ABCC4: variants seen among roughly 807,000 people sequenced by gnomAD.
The protein encoded by ABCC4 is ATP-binding cassette sub-family C member 4.
In ABCC4, 102 loss-of-function variants were observed where a neutral mutation model predicts 168.5. The observed-to-expected ratio is 0.61, with a 90% CI of 0.52 to 0.71. ABCC4 has a LOEUF of 0.71. Among genes scored for constraint, ABCC4 ranks in the 30% least tolerant of loss-of-function variants. ABCC4 has a pLI of 0.00. For synonymous variants in ABCC4, 617 were observed against 590.7 expected (o/e 1.04, Z -0.65); for missense variants, 1,402 against 1,605.8 (o/e 0.87, Z 2.17).
rs9556465 is a variant in ABCC4, at chr13:95,205,263, G to T, written c.1161+1269C>A. The stretch of plus-strand genomic sequence containing the variant: ...TGCTCCAGCCTGGGTAACACAGCAA[G>T]ATCTCATCTTTAAAAAACAAACTTC... On this transcript the variant is annotated intron_variant, in intron 8 of 30. Transcript: ENST00000645237. Among the ~76,000 whole-genome samples, 701 of 152,186 alleles carry T rather than the reference G, an allele frequency of 4.6e-3. 32 individuals are homozygous for T. The East Asian group carries it at 0.1, about 22-fold the overall frequency.
intron 20 of ABCC4, 116 bp from the exon 21 acceptor site, chr13:95,083,406 G>A: frequency 4.0e-6 from 5 of 1,238,774 alleles, no homozygotes; most frequent in Non-Finnish European, 5.5e-6. Flanking sequence ...TGTAGTACCA[G>A]GGACTGCTTT....
At chr13:95,266,531 G>A (rs2040679131) in intron 1 of ABCC4, among the ~76,000 whole-genome samples, 1 of 152,200 alleles carries the variant, frequency 6.6e-6, no homozygotes, top group Non-Finnish European at 1.5e-5. Context: ...ATACAGTGCT[G>A]TTATCACCAT....
intron 1 of ABCC4, among the ~76,000 whole-genome samples, chr13:95,290,913 CT>C (rs2041385780): frequency 7.0e-6 from 1 of 142,672 alleles, no homozygotes; most frequent in Non-Finnish European, 1.5e-5. Flanking sequence ...AGGAGAACCG[CT>C]TGAACCCCGG....
At chr13:95,073,728 C>T (rs80314122) in intron 23 of ABCC4, among the ~76,000 whole-genome samples, 90 of 152,252 alleles carry the variant, frequency 5.9e-4, no homozygotes, top group Non-Finnish European at 5.3e-4. Flanking sequence ...TCTCCTTGTT[C>T]CATTATTAAG....
At chr13:95,063,356 G>A (rs1428031662) in intron 25 of ABCC4, among the ~76,000 whole-genome samples, 2 of 152,172 alleles carry the variant, frequency 1.3e-5, no homozygotes, top group Non-Finnish European at 2.9e-5. Flanking sequence ...CAAGACAGAG[G>A]TGTCAGAAGT....
At chr13:95,130,580 G>C (rs910286451) in intron 19 of ABCC4, among the ~76,000 whole-genome samples, 5 of 152,208 alleles carry the variant, frequency 3.3e-5, no homozygotes, top group African/African-American at 4.8e-5. Context: ...GTCTATCAAA[G>C]TGGTGCCAAA....
In ABCC4 at chr13:95,025,532, T is replaced by C. The variant is rs992523755; in HGVS notation, c.3871-3850A>G. ...CCCCCCACCACACACGCAGCCTCTC[T>C]GGGTCATAAAGTACTTCTACATTAA... On this transcript the variant is annotated intron_variant, in intron 30 of 30. Coordinates refer to ENST00000645237, the MANE Select transcript of ABCC4 (RefSeq NM_005845.5). 5.9e-5 allele frequency among the ~76,000 whole-genome samples: 5 copies of C among 85,072 alleles called. No homozygotes were observed. In the South Asian group the frequency reaches 2.5e-3, roughly 42 times the overall value. The allele number at this position is 85,072 out of a possible 152,430, so 55.8% of individuals were successfully genotyped here. A position where few individuals can be genotyped will look rare whatever the true frequency, so the allele number is the denominator to read the frequency against.
chr13:95,042,608 A>T (rs1444109998), intron 29 of ABCC4, among the ~76,000 whole-genome samples: 1 of 152,230 alleles, frequency 6.6e-6, no homozygotes, highest in African/African-American at 2.4e-5. Context: ...CTCAAAATCT[A>T]CCTAGAGGGA....
At chr13:95,078,973 C>G (rs994637778) in intron 21 of ABCC4, among the ~76,000 whole-genome samples, 1 of 152,176 alleles carries the variant, frequency 6.6e-6, no homozygotes, top group South Asian at 2.1e-4. Context: ...AAATTAGGTA[C>G]CATCCCAGTT....
At chr13:95,151,097 A>G (rs2036658960) in intron 19 of ABCC4, among the ~76,000 whole-genome samples, 1 of 152,230 alleles carries the variant, frequency 6.6e-6, no homozygotes, top group South Asian at 2.1e-4. Flanking sequence ...CTAGAAAAGT[A>G]TCTAGACTTC....
chr13:95,206,269 C>A (rs2038775996), intron 8 of ABCC4, among the ~76,000 whole-genome samples: 1 of 152,194 alleles, frequency 6.6e-6, no homozygotes, highest in South Asian at 2.1e-4. Context: ...ATTTTAATCA[C>A]CCCTGCAGTT....
chr13:95,187,342 C>T (rs552306027), intron 10 of ABCC4, among the ~76,000 whole-genome samples: 3 of 152,210 alleles, frequency 2.0e-5, no homozygotes, highest in East Asian at 1.9e-4. Flanking sequence ...CAGTGGCTCA[C>T]GCCTGTAATC....
chr13:95,046,259 C>T (rs111844789), intron 27 of ABCC4, among the ~76,000 whole-genome samples: 5,547 of 152,134 alleles, frequency 0.036, 143 homozygotes, highest in Non-Finnish European at 0.051. Context: ...TTTCTAAGAC[C>T]GGCAGCCAGA....
intron 19 of ABCC4, among the ~76,000 whole-genome samples, chr13:95,130,935 G>C (rs141817793): frequency 6.6e-6 from 1 of 152,240 alleles, no homozygotes; most frequent in Non-Finnish European, 1.5e-5. Context: ...ACAAGAAAAT[G>C]CTTTTTTTTC....
intron 13 of ABCC4, among the ~76,000 whole-genome samples, chr13:95,174,779 G>A (rs143664980): frequency 4.6e-5 from 7 of 152,262 alleles, no homozygotes; most frequent in Non-Finnish European, 7.4e-5. Flanking sequence ...CCTTCTCGGC[G>A]AAATGGAAAA....
chr13:95,044,371 G>C lies in ABCC4; in HGVS notation c.3524C>G (p.Ser1175Cys). Residue 1175 changes from serine (S) to cysteine (C), a missense_variant, in exon 28 of 31, where the codon TCC becomes TGC. Around this residue, in one of 3 missense-constraint regions of ABCC4, gnomAD observed 1,007 missense variants for 1,127.3 expected, o/e 0.89. Transcript: ENST00000645237. ...KMDTELAESG[S>C]NFSVGQRQLV... is the part of the protein sequence containing the mutation. ...TTGTCTTTGTCCAACACTAAAATTG[G>C]ATCCTGATTCTGCTAATTCAGTATC... 1 of 1,613,722 alleles carries C rather than the reference G, an allele frequency of 6.2e-7. No homozygotes were observed. Among genetic ancestry groups the C allele is most frequent in the Non-Finnish European group, 8.5e-7 (1 of 1,179,868 alleles).
intron 1 of ABCC4, among the ~76,000 whole-genome samples, chr13:95,287,771 G>A (rs2041295979): frequency 1.3e-5 from 2 of 151,186 alleles, no homozygotes; most frequent in African/African-American, 4.9e-5. Flanking sequence ...GGCCAGATGA[G>A]GTGGCTCACA....
chr13:95,053,045 T>C, intron 27 of ABCC4, 50 bp downstream of exon 27: 1 of 1,490,042 alleles, frequency 6.7e-7, no homozygotes, highest in Non-Finnish European at 9.4e-7. Flanking sequence ...AAGGTACATA[T>C]ACACATACTG....
intron 1 of ABCC4, among the ~76,000 whole-genome samples, chr13:95,259,357 G>T (rs7317603): frequency 0.095 from 14,091 of 148,038 alleles, 1,457 homozygotes; most frequent in African/African-American, 0.26. Context: ...TCCAGCCTGG[G>T]CAACAAGAGT....
Sources: gnomAD v4.1 joint callset for allele counts (sites outside exome capture counted in the v4.1 genomes callset) on GRCh38, gnomAD v4.1.1 for gene constraint, gnomAD v4.1.1 regional missense constraint, MANE v1.5 for transcripts, NCBI Gene and HGNC (gene_info 2026-07-23, HGNC 2026-07-21) for gene names.